CADPS: variants seen among roughly 807,000 people sequenced by gnomAD.
CADPS encodes the protein calcium dependent secretion activator, also known as calcium-dependent secretion activator 1.
A neutral mutation model predicts 167.3 loss-of-function variants in CADPS; 57 were observed. That is an observed-to-expected ratio of 0.34 (90% CI 0.28 to 0.42). CADPS has a LOEUF of 0.42. Ranked by LOEUF, CADPS falls within the 20% of genes least tolerant of loss-of-function variation. The probability of loss-of-function intolerance (pLI) is 1.00; values close to 1 mark genes in which losing one functional copy is unlikely to be tolerated. For synonymous variants in CADPS, 676 were observed against 635.3 expected (o/e 1.06, Z -0.96); for missense variants, 1,414 against 1,738.1 (o/e 0.81, Z 3.32).
chr3:62,820,388 A>G (rs1052325455), intron 1 of CADPS, among the ~76,000 whole-genome samples: 7 of 152,184 alleles, frequency 4.6e-5, no homozygotes, highest in Non-Finnish European at 7.3e-5. Context: ...CTACCCCTCC[A>G]GATTCATGGT....
rs116274077 is a variant in CADPS at position 62,743,679 on chromosome 3, G to A, written c.888+9762C>T. ...AAGACTGCAGGGCTTTGTTAACTAT[G>A]TTTTTAAAAATTAAATCAGGAAACA... On this transcript the variant is annotated intron_variant, in intron 3 of 29. Transcript: ENST00000383710. Among the ~76,000 whole-genome samples, 1,245 of 152,236 alleles carry A rather than the reference G, an allele frequency of 8.2e-3. 14 individuals are homozygous for A. The highest frequency in any genetic ancestry group is 0.013 in the Non-Finnish European group (899 of 67,996).
intron 21 of CADPS, among the ~76,000 whole-genome samples, chr3:62,485,132 A>G (rs1467850817): frequency 6.6e-6 from 1 of 150,772 alleles, no homozygotes; most frequent in Non-Finnish European, 1.5e-5. Flanking sequence ...TGCTATATAT[A>G]TAAAAAGAGT....
At chr3:62,533,791 A>C (rs1474483894) in intron 12 of CADPS, among the ~76,000 whole-genome samples, 1 of 152,246 alleles carries the variant, frequency 6.6e-6, no homozygotes, top group Non-Finnish European at 1.5e-5. Flanking sequence ...CTCTCCAAAG[A>C]GAACAGCATG....
At chr3:62,793,952 G>A (rs478412) in intron 1 of CADPS, among the ~76,000 whole-genome samples, 22,848 of 152,068 alleles carry the variant, frequency 0.15, 3,565 homozygotes, top group African/African-American at 0.39. Flanking sequence ...GAGCCAAGAA[G>A]TCCAGGCAAA....
chr3:62,642,677 C>T (rs768498875), intron 6 of CADPS, among the ~76,000 whole-genome samples: 2 of 152,034 alleles, frequency 1.3e-5, no homozygotes, highest in Non-Finnish European at 2.9e-5. Flanking sequence ...GAGGATGAGG[C>T]GGGGGCAGGT....
At position 62,852,925 on chromosome 3, in the gene CADPS, A is replaced by G. The variant is rs74736662; in HGVS notation, c.441+21664T>C. ...CAGAGATATGTTACTGTTATTTCCA[A>G]TATTCAATTACTCCTTTATTTTAAA... On this transcript the variant is annotated intron_variant, in intron 1 of 29. Transcript: ENST00000383710. Among the ~76,000 whole-genome samples, 492 of 152,336 alleles carry G rather than the reference A, an allele frequency of 3.2e-3. 2 individuals are homozygous for G. The highest frequency in any genetic ancestry group is 5.9e-3 in the Non-Finnish European group (404 of 68,026).
chr3:62,580,806 G>A (rs2083286019), intron 8 of CADPS, among the ~76,000 whole-genome samples: 1 of 152,110 alleles, frequency 6.6e-6, no homozygotes, highest in Non-Finnish European at 1.5e-5. Context: ...TTAAGCCTAA[G>A]TTTTATTTCT....
At chr3:62,408,873 A>G (rs2048401829) in intron 28 of CADPS, among the ~76,000 whole-genome samples, 1 of 152,292 alleles carries the variant, frequency 6.6e-6, no homozygotes, top group Admixed American at 6.5e-5. Context: ...ACTTACACAA[A>G]CCCCTGTCAG....
At chr3:62,772,354 G>A (rs2089104989) in intron 1 of CADPS, among the ~76,000 whole-genome samples, 1 of 152,178 alleles carries the variant, frequency 6.6e-6, no homozygotes, top group Admixed American at 6.5e-5. Context: ...CCATGTAACA[G>A]ATGCAGAAAA....
intron 28 of CADPS, among the ~76,000 whole-genome samples, chr3:62,413,254 C>T (rs892116483): frequency 6.6e-6 from 1 of 152,060 alleles, no homozygotes; most frequent in African/African-American, 2.4e-5. Flanking sequence ...TATACTTACT[C>T]AAAAGTGGAA....
At chr3:62,725,125 C>A (rs1307501685) in intron 3 of CADPS, among the ~76,000 whole-genome samples, 1 of 152,146 alleles carries the variant, frequency 6.6e-6, no homozygotes, top group African/African-American at 2.4e-5. Flanking sequence ...CTCCTCAAAA[C>A]CCAACCTCAA....
chr3:62,769,876 C>G (rs1164266353), intron 1 of CADPS, among the ~76,000 whole-genome samples: 1 of 152,014 alleles, frequency 6.6e-6, no homozygotes, highest in Non-Finnish European at 1.5e-5. Flanking sequence ...GCCTTGGTTC[C>G]TCATTAAAAA....
chr3:62,778,148 A>T (rs1370797839), intron 1 of CADPS, among the ~76,000 whole-genome samples: 1 of 152,248 alleles, frequency 6.6e-6, no homozygotes, highest in Admixed American at 6.5e-5. Context: ...AACTTTCCTC[A>T]GGTTGAGTGA....
chr3:62,417,580 T>C (rs2050393746), intron 28 of CADPS, among the ~76,000 whole-genome samples: 1 of 152,088 alleles, frequency 6.6e-6, no homozygotes, highest in Non-Finnish European at 1.5e-5. Flanking sequence ...CCACTGCACC[T>C]GGCCAGAACA....
At chr3:62,866,618 T>C (rs1462206622) in intron 1 of CADPS, among the ~76,000 whole-genome samples, 1 of 152,058 alleles carries the variant, frequency 6.6e-6, no homozygotes, top group Non-Finnish European at 1.5e-5. Flanking sequence ...AATTAAAGGA[T>C]GAACAAGAGT....
intron 3 of CADPS, among the ~76,000 whole-genome samples, chr3:62,675,304 G>A (rs1034982761): frequency 2.0e-5 from 3 of 152,066 alleles, no homozygotes; most frequent in Non-Finnish European, 2.9e-5. Flanking sequence ...ATAAGCATTA[G>A]TGTGTCTGCC....
chr3:62,672,535 C>T (rs149755201), intron 3 of CADPS, among the ~76,000 whole-genome samples: 60 of 152,272 alleles, frequency 3.9e-4, no homozygotes, highest in South Asian at 2.5e-3. Flanking sequence ...TTGTTCTCTA[C>T]GCTCAGACCA....
At chr3:62,672,033 G>T (rs1365582981) in intron 3 of CADPS, among the ~76,000 whole-genome samples, 1 of 152,084 alleles carries the variant, frequency 6.6e-6, no homozygotes, top group Non-Finnish European at 1.5e-5. Flanking sequence ...ACCCACCTCA[G>T]CCTCTCAAAG....
rs79783067 is a variant in CADPS, at chr3:62,526,885, G to T, written c.2291+5986C>A. Among the ~76,000 whole-genome samples the T allele has an allele frequency of 0.012, 1,775 of 152,248 alleles. 86 individuals carry two copies. The East Asian group carries it at 0.18, about 15-fold the overall frequency. ...ATTAATTAGAATCTCTGCAGGTGGA[G>T]CCCAGGCATTAGCATTTTTACCCTC... On this transcript the variant is annotated intron_variant, in intron 13 of 29. Coordinates refer to ENST00000383710, the MANE Select transcript of CADPS (RefSeq NM_003716.4).
Sources: allele counts gnomAD v4.1 joint callset (sites outside exome capture counted in the v4.1 genomes callset), GRCh38; gene constraint gnomAD v4.1.1; transcripts MANE v1.5; gene names NCBI Gene and HGNC (gene_info 2026-07-23, HGNC 2026-07-21).